Variants in SPATA17 observed in about 807,000 individuals in gnomAD.
SPATA17 encodes spermatogenesis associated 17, also known as spermatogenesis-associated protein 17.
Under a neutral mutation model 62.2 loss-of-function variants are expected in SPATA17, and 53 were observed. The observed-to-expected ratio is 0.85, with a 90% CI of 0.68 to 1.07. The LOEUF (loss-of-function observed/expected upper bound fraction) is 1.07, where lower values mean the gene tolerates loss of function less well. SPATA17 is among the 50% of genes least tolerant of loss of function. The probability of loss-of-function intolerance (pLI) is 0.00; values close to 1 mark genes in which losing one functional copy is unlikely to be tolerated. For synonymous variants in SPATA17, 146 were observed against 146.8 expected (o/e 0.99, Z 0.04); for missense variants, 466 against 425.5 (o/e 1.10, Z -0.84).
chr1:217,746,863 G>T (rs543465498), intron 6 of SPATA17, among the ~76,000 whole-genome samples: 4 of 152,088 alleles, frequency 2.6e-5, no homozygotes, highest in East Asian at 3.9e-4. Flanking sequence ...AACACCTTTT[G>T]TATATGTTTA....
chr1:217,826,850 G>T (rs1571830474), intron 9 of SPATA17, among the ~76,000 whole-genome samples: 1 of 151,206 alleles, frequency 6.6e-6, no homozygotes, highest in East Asian at 1.9e-4. Flanking sequence ...TAAATTCTCT[G>T]TACCTTAATT....
chr1:217,672,211 A>G (rs1029254887), intron 4 of SPATA17, among the ~76,000 whole-genome samples: 8 of 152,216 alleles, frequency 5.3e-5, no homozygotes, highest in African/African-American at 1.9e-4. Flanking sequence ...GGATACCAGT[A>G]GCTGAAGTTT....
At chr1:217,744,152 T>G (rs377084020) in intron 6 of SPATA17, among the ~76,000 whole-genome samples, 1 of 152,206 alleles carries the variant, frequency 6.6e-6, no homozygotes, top group African/African-American at 2.4e-5. Context: ...ATTTTTAAAA[T>G]TAAGCACCTG....
At chr1:217,768,253 A>C in intron 6 of SPATA17, among the ~76,000 whole-genome samples, 1 of 152,058 alleles carries the variant, frequency 6.6e-6, no homozygotes, top group East Asian at 1.9e-4. Flanking sequence ...CAAAAAAATA[A>C]ATAAAGGAGA....
intron 3 of SPATA17, among the ~76,000 whole-genome samples, chr1:217,658,688 G>A (rs1048795109): frequency 2.6e-5 from 4 of 152,074 alleles, no homozygotes; most frequent in African/African-American, 4.8e-5. Flanking sequence ...AACCCGGGAG[G>A]TGGAGCTTGC....
At chr1:217,706,541 G>A (rs1486260306) in intron 5 of SPATA17, among the ~76,000 whole-genome samples, 2 of 152,132 alleles carry the variant, frequency 1.3e-5, no homozygotes, top group African/African-American at 2.4e-5. Flanking sequence ...GCTCTCACAC[G>A]TTCTTGCTCT....
intron 3 of SPATA17, among the ~76,000 whole-genome samples, chr1:217,664,013 A>T (rs187949610): frequency 6.6e-6 from 1 of 152,166 alleles, no homozygotes. Context: ...GAGTGGGTGA[A>T]ACAGTCTTTT....
At chr1:217,677,073 A>T (rs1571724092) in intron 4 of SPATA17, among the ~76,000 whole-genome samples, 1 of 152,132 alleles carries the variant, frequency 6.6e-6, no homozygotes, top group Admixed American at 6.5e-5. Context: ...TTCAGATTGA[A>T]ATGCTCACAT....
chr1:217,706,736 G>A (rs1671745604), intron 5 of SPATA17, among the ~76,000 whole-genome samples: 1 of 152,064 alleles, frequency 6.6e-6, no homozygotes, highest in Non-Finnish European at 1.5e-5. Context: ...AGCATGGAAT[G>A]TTTTTCCATT....
intron 9 of SPATA17, among the ~76,000 whole-genome samples, chr1:217,834,953 A>G (rs920421425): frequency 6.6e-6 from 1 of 152,174 alleles, no homozygotes; most frequent in African/African-American, 2.4e-5. Context: ...ATGTTTAGAT[A>G]CATAGATACT....
chr1:217,652,149 C>T (rs1003535571), intron 3 of SPATA17, among the ~76,000 whole-genome samples: 1 of 152,142 alleles, frequency 6.6e-6, no homozygotes, highest in Non-Finnish European at 1.5e-5. Context: ...GAATGAACAA[C>T]GTTTCTGTTT....
intron 5 of SPATA17, among the ~76,000 whole-genome samples, chr1:217,733,380 CTG>C (rs1368990613): frequency 6.6e-6 from 1 of 152,194 alleles, no homozygotes; most frequent in African/African-American, 2.4e-5. Context: ...CACTGCTCCT[CTG>C]TATCCCTGCT....
intron 3 of SPATA17, 65 bp downstream of exon 3, chr1:217,651,243 A>G: frequency 2.3e-6 from 3 of 1,305,114 alleles, no homozygotes; most frequent in Non-Finnish European, 3.2e-6. Context: ...TACTCACTTT[A>G]GTCATATTTC....
At position 217,631,392 on chromosome 1, in the gene SPATA17, C is replaced by A. The variant is rs1183889995; in HGVS notation, c.14C>A (p.Ala5Asp). MATL[A>D]RLQARSSTVG... Reference sequence around the variant, plus strand: ...GGCCAAGAGACCATGGCCACGTTAGCCCGGCTGCAAGCTAGGTCGTCGACT... The same window carrying A: ...GGCCAAGAGACCATGGCCACGTTAGACCGGCTGCAAGCTAGGTCGTCGACT... The change falls in exon 1 of 11, where the codon GCC (alanine) becomes GAC (aspartate). Residue 5 changes from alanine to aspartate, a missense_variant. Ala to Asp is a moderately radical substitution (Grantham distance 126). Coordinates refer to ENST00000366933, the MANE Select transcript of SPATA17 (RefSeq NM_138796.4). The A allele has an allele frequency of 6.2e-7, 1 of 1,614,118 alleles. No homozygotes were observed. The highest frequency in any genetic ancestry group is 1.1e-5 in the South Asian group (1 of 91,080).
chr1:217,690,986 G>A (rs989411054), intron 5 of SPATA17, among the ~76,000 whole-genome samples: 1 of 146,842 alleles, frequency 6.8e-6, no homozygotes, highest in Non-Finnish European at 1.5e-5. Flanking sequence ...ATGATTTATA[G>A]TCCTTTGGGT....
At position 217,724,903 on chromosome 1, in the gene SPATA17, T is replaced by A. The variant is rs1672228674; in HGVS notation, c.396-17072T>A. On this transcript the variant is annotated intron_variant, in intron 5 of 10. Coordinates refer to ENST00000366933, the MANE Select transcript of SPATA17 (RefSeq NM_138796.4). The stretch of plus-strand genomic sequence containing the variant: ...TGTTAAGGAAACAAATCCTTTATCA[T>A]CTGTGCTGAAATTATCTTTCCTTGT... Among the ~76,000 whole-genome samples the A allele has an allele frequency of 2.6e-5, 4 of 152,308 alleles. No homozygotes were observed. The South Asian group carries it at 8.3e-4, about 32-fold the overall frequency.
chr1:217,698,850 C>T (rs1221175693), intron 5 of SPATA17, among the ~76,000 whole-genome samples: 1 of 152,204 alleles, frequency 6.6e-6, no homozygotes, highest in Non-Finnish European at 1.5e-5. Context: ...TTTATAACCA[C>T]ATTCACTTCT....
chr1:217,658,973 C>T (rs1013748048), intron 3 of SPATA17, among the ~76,000 whole-genome samples: 1 of 152,050 alleles, frequency 6.6e-6, no homozygotes, highest in Non-Finnish European at 1.5e-5. Context: ...ATTTTCTTGA[C>T]TCTGGAAGGA....
At chr1:217,709,319 CTT>C (rs2102925341) in intron 5 of SPATA17, among the ~76,000 whole-genome samples, 1 of 152,236 alleles carries the variant, frequency 6.6e-6, no homozygotes, top group East Asian at 1.9e-4. Context: ...CTTGAAGTCT[CTT>C]TTGAGGTTGT....
Sources: gnomAD v4.1 joint callset for allele counts (sites outside exome capture counted in the v4.1 genomes callset) on GRCh38, gnomAD v4.1.1 for gene constraint, MANE v1.5 for transcripts, NCBI Gene and HGNC (gene_info 2026-07-23, HGNC 2026-07-21) for gene names.